The following DLGAP1 variants were observed in gnomAD, a reference collection of about 807,000 sequenced individuals.
DLGAP1 encodes disks large-associated protein 1.
DLGAP1 carries 11 observed loss-of-function variants against 90.8 expected under a neutral mutation model. That is an observed-to-expected ratio of 0.12 (90% CI 0.08 to 0.20). The LOEUF (loss-of-function observed/expected upper bound fraction) is 0.20. Among genes scored for constraint, DLGAP1 ranks in the 10% least tolerant of loss-of-function variants. DLGAP1 has a pLI of 1.00. For synonymous variants in DLGAP1, 558 were observed against 540.7 expected (o/e 1.03, Z -0.44); for missense variants, 1,050 against 1,333.8 (o/e 0.79, Z 3.31).
intron 4 of DLGAP1, among the ~76,000 whole-genome samples, chr18:3,828,534 G>C (rs1044830574): frequency 1.3e-5 from 2 of 151,020 alleles, no homozygotes; most frequent in Non-Finnish European, 2.9e-5. Context: ...TAGCTACTTG[G>C]GAGGCTGAGG....
At chr18:3,615,944 C>T (rs11876399) in intron 7 of DLGAP1, among the ~76,000 whole-genome samples, 95,768 of 152,030 alleles carry the variant, frequency 0.63, 30,631 homozygotes, top group East Asian at 0.74. Context: ...GCCTTAACTC[C>T]GAGGGATATT....
chr18:4,155,951 C>T (rs1264031161), intron 1 of DLGAP1, among the ~76,000 whole-genome samples: 1 of 152,148 alleles, frequency 6.6e-6, no homozygotes, highest in Non-Finnish European at 1.5e-5. Context: ...GCAACATTTG[C>T]TCCGACTCGG....
At chr18:3,542,381 C>T (rs990482150) in intron 9 of DLGAP1, among the ~76,000 whole-genome samples, 2 of 152,246 alleles carry the variant, frequency 1.3e-5, no homozygotes, top group African/African-American at 4.8e-5. Flanking sequence ...GTTGATGAGG[C>T]AGAAAAAGAG....
Position 4,387,626 on chromosome 18 carries a change from C to T in DLGAP1, c.-267+67380G>A, listed in dbSNP as rs75657598. 8.4e-3 allele frequency among the ~76,000 whole-genome samples: 1,280 copies of T among 152,256 alleles called. 16 individuals are homozygous for T. Among genetic ancestry groups the T allele is most frequent in the African/African-American group, 0.029 (1,187 of 41,546 alleles). ...AAGCTGTCTAGAATAAATGCACATA[C>T]AGCAGAAGGGAAGAATGAAGAAGAA... On this transcript the variant is annotated intron_variant, in intron 1 of 12. Coordinates refer to ENST00000315677, the MANE Select transcript of DLGAP1 (RefSeq NM_004746.4).
intron 1 of DLGAP1, among the ~76,000 whole-genome samples, chr18:4,248,247 C>T (rs552990277): frequency 8.5e-5 from 13 of 152,188 alleles, no homozygotes; most frequent in Non-Finnish European, 1.8e-4. Context: ...GACTTTAAAG[C>T]TCAAAGGAAA....
At chr18:3,904,859 A>G (rs1446106451) in intron 3 of DLGAP1, among the ~76,000 whole-genome samples, 1 of 152,164 alleles carries the variant, frequency 6.6e-6, no homozygotes, top group Non-Finnish European at 1.5e-5. Context: ...CATCTTGTAC[A>G]TAAAATATAA....
intron 1 of DLGAP1, among the ~76,000 whole-genome samples, chr18:4,285,424 G>A (rs1376608921): frequency 6.6e-6 from 1 of 152,180 alleles, no homozygotes; most frequent in Non-Finnish European, 1.5e-5. Context: ...TTGTCAGAGT[G>A]CAAGGAAAAG....
chr18:4,108,121 A>G (rs2075902554), intron 2 of DLGAP1, among the ~76,000 whole-genome samples: 1 of 152,170 alleles, frequency 6.6e-6, no homozygotes, highest in Non-Finnish European at 1.5e-5. Context: ...AGAAGCTAGA[A>G]TTCCCTTCAT....
At chr18:3,909,743 G>T (rs953858559) in intron 3 of DLGAP1, among the ~76,000 whole-genome samples, 3 of 152,114 alleles carry the variant, frequency 2.0e-5, no homozygotes, top group Non-Finnish European at 1.5e-5. Flanking sequence ...CACACCACTG[G>T]TTGGTTGTTG....
At chr18:4,182,330 T>C (rs2144668771) in intron 1 of DLGAP1, among the ~76,000 whole-genome samples, 1 of 152,154 alleles carries the variant, frequency 6.6e-6, no homozygotes, top group African/African-American at 2.4e-5. Flanking sequence ...CTCCCCTCTC[T>C]GAAAGAACAA....
At position 3,499,135 on chromosome 18, in the gene DLGAP1, G is replaced by A. The variant is rs1381077879; in HGVS notation, c.*50C>T. On this transcript the variant is annotated 3_prime_UTR_variant, in exon 13 of 13. Coordinates refer to ENST00000315677, the MANE Select transcript of DLGAP1 (RefSeq NM_004746.4). This position sits in a 1 kb window ranked among gnomAD's most constrained non-coding sequence, Gnocchi z 6.4. ...AGAGGCAGCCGGCAGAGGAGCGGCC[G>A]GGGGAGGAGGGGACAGATGCTTGGC... The A allele has an allele frequency of 1.6e-5, 23 of 1,452,412 alleles. No individual in the cohort carries two copies. The highest frequency in any genetic ancestry group is 2.1e-5 in the Non-Finnish European group (23 of 1,102,068). The allele number at this position is 1,452,412 out of a possible 1,614,324, so 90.0% of individuals were successfully genotyped here. A position where few individuals can be genotyped will look rare whatever the true frequency, so the allele number is the denominator to read the frequency against.
Position 4,440,120 on chromosome 18 carries a change from C to CAAAAAA in DLGAP1, c.-267+14880_-267+14885dup, listed in dbSNP as rs35152199. 7.9e-4 allele frequency among the ~76,000 whole-genome samples: 39 copies of CAAAAAA among 49,318 alleles called. 2 individuals carry two copies. The highest frequency in any genetic ancestry group is 2.5e-3 in the African/African-American group (31 of 12,620). The allele number at this position is 49,318 out of a possible 152,430, so 32.4% of individuals were successfully genotyped here. Reference sequence around the variant, plus strand: ...GGGTGACAGAGTGAGACTCCGTCACCAAAAAAAAAAAAAAAAAAAAAAAAT... The same window carrying CAAAAAA: ...GGGTGACAGAGTGAGACTCCGTCACCAAAAAAAAAAAAAAAAAAAAAAAAAAAAAAT... On this transcript the variant is annotated intron_variant, in intron 1 of 12. Transcript: ENST00000315677.
At chr18:3,804,004 A>ATATATATATAT (rs61369471) in intron 5 of DLGAP1, among the ~76,000 whole-genome samples, 35 of 79,428 alleles carry the variant, frequency 4.4e-4, no homozygotes, top group Non-Finnish European at 7.6e-4. Context: ...ATATATATAT[A>ATATATATATAT]ATTTTTTTTG....
intron 1 of DLGAP1, among the ~76,000 whole-genome samples, chr18:4,452,374 G>A (rs1256225593): frequency 1.3e-5 from 2 of 152,064 alleles, no homozygotes; most frequent in African/African-American, 4.8e-5. Context: ...TTAAGTTGTA[G>A]ATGAAACTAT....
chr18:4,084,372 G>C lies in DLGAP1; in HGVS notation c.-159+66808C>G, dbSNP rs1484464697. Among the ~76,000 whole-genome samples, 1 of 152,072 alleles carries C rather than the reference G, an allele frequency of 6.6e-6. No homozygotes were observed. Among genetic ancestry groups the C allele is most frequent in the Non-Finnish European group, 1.5e-5 (1 of 68,018 alleles). On this transcript the variant is annotated intron_variant, in intron 2 of 12. Transcript: ENST00000315677. This position sits in a 1 kb window ranked among gnomAD's most constrained non-coding sequence, Gnocchi z 4.0. ...TTTCCATTGTTAAAAATTTAGATTT[G>C]TTTTCGACAGGGCTCAGAACAAGGG...
At chr18:4,152,133 C>T (rs528530293) in intron 1 of DLGAP1, among the ~76,000 whole-genome samples, 3 of 152,152 alleles carry the variant, frequency 2.0e-5, no homozygotes, top group Admixed American at 6.5e-5. Flanking sequence ...AGAAAAGGAC[C>T]TGGGTCACAC....
intron 5 of DLGAP1, among the ~76,000 whole-genome samples, chr18:3,811,865 C>T (rs1027089874): frequency 6.6e-6 from 1 of 152,162 alleles, no homozygotes; most frequent in South Asian, 2.1e-4. Context: ...ACATTGATTT[C>T]AGCCCCTACC....
chr18:3,760,836 G>C (rs768126731), intron 5 of DLGAP1, among the ~76,000 whole-genome samples: 1 of 152,160 alleles, frequency 6.6e-6, no homozygotes, highest in Non-Finnish European at 1.5e-5. Flanking sequence ...TCTGTGGGGG[G>C]TGGTTCCCTG....
At chr18:4,061,205 T>C (rs1386108389) in intron 2 of DLGAP1, among the ~76,000 whole-genome samples, 1 of 152,176 alleles carries the variant, frequency 6.6e-6, no homozygotes, top group Non-Finnish European at 1.5e-5. Flanking sequence ...ACTGGAAAAA[T>C]AATTTTACAT....
Sources: gnomAD v4.1 joint callset for allele counts (sites outside exome capture counted in the v4.1 genomes callset) on GRCh38, gnomAD v4.1.1 for gene constraint, Gnocchi (gnomAD v3.1) non-coding constraint, MANE v1.5 for transcripts, NCBI Gene and HGNC (gene_info 2026-07-23, HGNC 2026-07-21) for gene names.